Variants in BANK1 observed in about 807,000 individuals in gnomAD.
The protein encoded by BANK1 is B-cell scaffold protein with ankyrin repeats.
BANK1 carries 95 observed loss-of-function variants against 94.5 expected under a neutral mutation model. The ratio of observed to expected loss-of-function variants is 1.00; its 90% CI spans 0.85 to 1.19. BANK1 has a LOEUF of 1.19. Among genes scored for constraint, BANK1 ranks in the 50% most tolerant of loss-of-function variants. The probability of loss-of-function intolerance (pLI) is 0.00; values close to 1 mark genes in which losing one functional copy is unlikely to be tolerated. For synonymous variants in BANK1, 334 were observed against 308.4 expected, an observed-to-expected ratio of 1.08 and a Z score of -0.87; for missense variants, 987 against 932.2, an observed-to-expected ratio of 1.06 and a Z score of -0.77.
chr4:101,890,868 C>G (rs1010943897), intron 5 of BANK1, among the ~76,000 whole-genome samples: 2 of 151,436 alleles, frequency 1.3e-5, no homozygotes, highest in Admixed American at 6.6e-5. Context: ...AACTTATAGT[C>G]TAGCGCTGTC....
At chr4:101,954,439 A>T (rs2148916036) in intron 7 of BANK1, among the ~76,000 whole-genome samples, 1 of 152,262 alleles carries the variant, frequency 6.6e-6, no homozygotes, top group African/African-American at 2.4e-5. Context: ...CACATTTAGC[A>T]AGAAGATCAA....
intron 15 of BANK1, 68 bp downstream of exon 15, chr4:102,072,468 G>C: frequency 8.3e-7 from 1 of 1,208,870 alleles, no homozygotes; most frequent in South Asian, 1.3e-5. Context: ...GAACATGAGA[G>C]CCTTCTATCC....
intron 7 of BANK1, among the ~76,000 whole-genome samples, chr4:101,939,066 T>C (rs548199534): frequency 6.6e-6 from 1 of 151,806 alleles, no homozygotes; most frequent in Admixed American, 6.6e-5. Flanking sequence ...TCCCCATTCT[T>C]CCAATATTTT....
Position 102,060,135 on chromosome 4 carries a change from T to C in BANK1, c.1970-76T>C, listed in dbSNP as rs900955541. 20 of 1,320,018 alleles carry C rather than the reference T, an allele frequency of 1.5e-5. No homozygotes were observed. In the East Asian group the frequency reaches 5.3e-4, roughly 35 times the overall value. The allele number at this position is 1,320,018 out of a possible 1,614,324, so 81.8% of individuals were successfully genotyped here. A position where few individuals can be genotyped will look rare whatever the true frequency, so the allele number is the denominator to read the frequency against. On this transcript the variant is annotated intron_variant, in intron 11 of 16. Transcript: ENST00000322953. The stretch of plus-strand genomic sequence containing the variant: ...GTTAAGAAGAAGCTACTCCAATGGC[T>C]TATTTGTAGAGTGCTTTTGTTCCCA...
rs28452091 is a variant in BANK1, at chr4:101,883,908, A to T, written c.904-11397A>T. 6.3e-3 allele frequency among the ~76,000 whole-genome samples: 958 copies of T among 152,336 alleles called. 11 individuals carry two copies. The highest frequency in any genetic ancestry group is 0.021 in the African/African-American group (886 of 41,576). On this transcript the variant is annotated intron_variant, in intron 5 of 16. Transcript: ENST00000322953. ...TAACTCTTTGGAAATTAGAAGACTGAAAAATTCCCGGGCCAAAAATATGCT... is the reference window on the plus strand; with the variant it reads ...TAACTCTTTGGAAATTAGAAGACTGTAAAATTCCCGGGCCAAAAATATGCT...
chr4:101,921,699 C>T (rs1436072256), intron 7 of BANK1, among the ~76,000 whole-genome samples: 1 of 151,904 alleles, frequency 6.6e-6, no homozygotes, highest in Non-Finnish European at 1.5e-5. Context: ...CAGGTGTTCA[C>T]TTATCTTAGA....
intron 10 of BANK1, 32 bp downstream of exon 10, chr4:102,030,297 AT>A (rs778306439): frequency 1.5e-5 from 23 of 1,525,064 alleles, no homozygotes; most frequent in South Asian, 2.7e-5. Context: ...TTACTTGTTA[AT>A]TTTTTTTGTC....
intron 7 of BANK1, among the ~76,000 whole-genome samples, chr4:101,965,046 G>A (rs1360081964): frequency 1.3e-5 from 2 of 150,930 alleles, no homozygotes; most frequent in African/African-American, 4.9e-5. Context: ...ATAGTTTACT[G>A]AGAATGATGA....
chr4:101,810,182 A>G (rs1011490567), intron 1 of BANK1, among the ~76,000 whole-genome samples: 2 of 152,172 alleles, frequency 1.3e-5, no homozygotes, highest in Non-Finnish European at 2.9e-5. Flanking sequence ...AATGCAAGTA[A>G]ATATATTGAT....
chr4:101,920,531 A>C (rs566742553), intron 7 of BANK1, among the ~76,000 whole-genome samples: 2 of 152,100 alleles, frequency 1.3e-5, no homozygotes, highest in African/African-American at 4.8e-5. Context: ...TTAGATTCTG[A>C]TAAATCTAAG....
chr4:101,902,864 C>T lies in BANK1; in HGVS notation c.1009+7454C>T, dbSNP rs529270212. Among the ~76,000 whole-genome samples the T allele has an allele frequency of 7.9e-5, 12 of 152,266 alleles. No homozygotes were observed. The East Asian group carries it at 2.3e-3, about 29-fold the overall frequency. Reference sequence around the variant, plus strand: ...AGGTCCTGGAAGAGGTGTATGAGCCCTAATGTGAGTGATGTAAAAAGGGTG... The same window carrying T: ...AGGTCCTGGAAGAGGTGTATGAGCCTTAATGTGAGTGATGTAAAAAGGGTG... On this transcript the variant is annotated intron_variant, in intron 6 of 16. Coordinates refer to ENST00000322953, the MANE Select transcript of BANK1 (RefSeq NM_017935.5).
intron 7 of BANK1, among the ~76,000 whole-genome samples, chr4:101,965,294 T>C (rs1724714121): frequency 6.6e-6 from 1 of 151,718 alleles, no homozygotes; most frequent in Admixed American, 6.6e-5. Flanking sequence ...TAAATGCCTT[T>C]TACCACTCTC....
chr4:101,849,855 T>C (rs879860893), intron 2 of BANK1, among the ~76,000 whole-genome samples: 1 of 152,236 alleles, frequency 6.6e-6, no homozygotes, highest in Non-Finnish European at 1.5e-5. Flanking sequence ...TTACTACTTA[T>C]GGCTCTGTTA....
chr4:102,055,871 G>C (rs1158096160), intron 11 of BANK1, among the ~76,000 whole-genome samples: 2 of 151,994 alleles, frequency 1.3e-5, no homozygotes, highest in Non-Finnish European at 2.9e-5. Context: ...CCTTTAGGGA[G>C]AGAGATGACA....
Position 102,021,499 on chromosome 4 carries a change from T to C in BANK1, c.1207-15T>C, listed in dbSNP as rs1407506285. ...TAAGATTAATGCATATTATTAAAAATTACATTTTTTTCAGATCCAAGAAAT... is the reference window on the plus strand; with the variant it reads ...TAAGATTAATGCATATTATTAAAAACTACATTTTTTTCAGATCCAAGAAAT... On this transcript the variant is annotated splice_polypyrimidine_tract_variant and intron_variant, in intron 7 of 16. Coordinates refer to ENST00000322953, the MANE Select transcript of BANK1 (RefSeq NM_017935.5). 1 of 1,257,814 alleles carries C rather than the reference T, an allele frequency of 8.0e-7. No homozygotes were observed. Among genetic ancestry groups the C allele is most frequent in the East Asian group, 2.5e-5 (1 of 39,838 alleles). The allele number at this position is 1,257,814 out of a possible 1,614,324, so 77.9% of individuals were successfully genotyped here. A position where few individuals can be genotyped will look rare whatever the true frequency, so the allele number is the denominator to read the frequency against.
At chr4:101,900,184 C>A (rs888130685) in intron 6 of BANK1, among the ~76,000 whole-genome samples, 4 of 152,210 alleles carry the variant, frequency 2.6e-5, no homozygotes, top group African/African-American at 9.7e-5. Flanking sequence ...AAGAGCCACT[C>A]TTCTAGGTGC....
At chr4:101,904,029 C>T (rs1228081754) in intron 6 of BANK1, among the ~76,000 whole-genome samples, 1 of 152,184 alleles carries the variant, frequency 6.6e-6, no homozygotes, top group Admixed American at 6.5e-5. Flanking sequence ...ATTGCTTGCC[C>T]CACAAACGTC....
At chr4:102,002,460 G>C (rs977998664) in intron 7 of BANK1, among the ~76,000 whole-genome samples, 1 of 151,586 alleles carries the variant, frequency 6.6e-6, no homozygotes, top group South Asian at 2.1e-4. Context: ...CTACTACATA[G>C]TATGCACTCC....
chr4:101,832,002 G>A (rs547502207), intron 2 of BANK1, among the ~76,000 whole-genome samples: 1 of 152,120 alleles, frequency 6.6e-6, no homozygotes, highest in South Asian at 2.1e-4. Context: ...CTTTGTTATT[G>A]TGATTTTAAT....
Sources: gnomAD v4.1 joint callset for allele counts (sites outside exome capture counted in the v4.1 genomes callset) on GRCh38, gnomAD v4.1.1 for gene constraint, MANE v1.5 for transcripts, NCBI Gene and HGNC (gene_info 2026-07-23, HGNC 2026-07-21) for gene names.